HELZ: variants seen among roughly 807,000 people sequenced by gnomAD.
HELZ encodes the protein helicase with zinc finger, also known as ATP-dependent RNA helicase with zinc finger domain.
In HELZ, 23 loss-of-function variants were observed where a neutral mutation model predicts 218.2. The ratio of observed to expected loss-of-function variants is 0.11; its 90% CI spans 0.08 to 0.15. The LOEUF is 0.15. Ranked by LOEUF, HELZ falls within the 10% of genes least tolerant of loss-of-function variation. The probability of loss-of-function intolerance (pLI) is 1.00; values close to 1 mark genes in which losing one functional copy is unlikely to be tolerated. For synonymous variants in HELZ, 814 were observed against 829.4 expected (o/e 0.98, Z 0.32); for missense variants, 1,813 against 2,353.7 (o/e 0.77, Z 4.75).
chr17:67,236,302 G>A (rs1449835134), intron 3 of HELZ, among the ~76,000 whole-genome samples: 2 of 152,078 alleles, frequency 1.3e-5, no homozygotes, highest in Non-Finnish European at 2.9e-5. Flanking sequence ...GGTAAAACAG[G>A]TATATCCATA....
rs2035958862 is a variant in HELZ, at chr17:67,074,114, T to C, written c.*4138A>G. 1 of 152,150 alleles carries C rather than the reference T, an allele frequency of 6.6e-6. No homozygotes were observed. The highest frequency in any genetic ancestry group is 6.5e-5 in the Admixed American group (1 of 15,268). The allele number at this position is 152,150 out of a possible 1,614,324, so 9.4% of individuals were successfully genotyped here. ...GAGACAAATCAGATCCATTAAGACA[T>C]TTATACCTTGAGATTCAGGAAGACA... On this transcript the variant is annotated 3_prime_UTR_variant, in exon 33 of 33. Coordinates refer to ENST00000358691, the MANE Select transcript of HELZ (RefSeq NM_014877.4).
At chr17:67,161,923 G>A (rs532314006) in intron 15 of HELZ, among the ~76,000 whole-genome samples, 8 of 152,098 alleles carry the variant, frequency 5.3e-5, no homozygotes, top group Admixed American at 5.2e-4. Flanking sequence ...AACAACTATG[G>A]TAAAAATGAG....
intron 3 of HELZ, chr17:67,224,833 G>A: frequency 2.0e-6 from 2 of 1,018,636 alleles, no homozygotes; most frequent in South Asian, 1.3e-5. Context: ...GTATGCCCAG[G>A]GAAAGCAGCG....
Position 67,190,011 on chromosome 17 carries a change from T to C in HELZ, c.756+146A>G, listed in dbSNP as rs997538147. ...TCTTCATTTTAACAAATGGGTCTAC[T>C]ATAGCTACTAAAAACATCATTCTAT... On this transcript the variant is annotated intron_variant, in intron 10 of 32. Transcript: ENST00000358691. 8.8e-6 allele frequency: 6 copies of C among 684,376 alleles called. No individual in the cohort carries two copies. The African/African-American group carries it at 9.0e-5, about 10-fold the overall frequency. The allele number at this position is 684,376 out of a possible 1,614,324, so 42.4% of individuals were successfully genotyped here. A position where few individuals can be genotyped will look rare whatever the true frequency, so the allele number is the denominator to read the frequency against.
rs1008740624 is a variant in HELZ, at chr17:67,078,111, T to C, written c.*141A>G. ...ACTTTAAAAAAATTAGTTGCAAGTC[T>C]AGCAGCAAAGCAATTAAGTGAGAAC... On this transcript the variant is annotated 3_prime_UTR_variant, in exon 33 of 33. Coordinates refer to ENST00000358691, the MANE Select transcript of HELZ (RefSeq NM_014877.4). 1 of 618,600 alleles carries C rather than the reference T, an allele frequency of 1.6e-6. No homozygotes were observed. Among genetic ancestry groups the C allele is most frequent in the African/African-American group, 1.9e-5 (1 of 52,742 alleles). The allele number at this position is 618,600 out of a possible 1,614,324, so 38.3% of individuals were successfully genotyped here.
At chr17:67,195,172 G>A (rs995991282) in intron 8 of HELZ, among the ~76,000 whole-genome samples, 8 of 152,038 alleles carry the variant, frequency 5.3e-5, no homozygotes, top group South Asian at 4.2e-4. Context: ...AGTCCTACAC[G>A]GAGGCAAGAA....
intron 31 of HELZ, among the ~76,000 whole-genome samples, chr17:67,089,669 A>ATATATATAGAGC (rs61424343): frequency 2.2e-5 from 1 of 46,174 alleles, no homozygotes; most frequent in Non-Finnish European, 4.2e-5. Flanking sequence ...ATATATATAT[A>ATATATATAGAGC]GAGAGAGAGA....
chr17:67,182,956 G>A (rs145502299), intron 12 of HELZ, among the ~76,000 whole-genome samples: 4 of 152,280 alleles, frequency 2.6e-5, no homozygotes, highest in African/African-American at 7.2e-5. Flanking sequence ...TGGGGAAATC[G>A]AGTGTTCTAA....
At chr17:67,080,406 T>C (rs1412033746) in intron 32 of HELZ, among the ~76,000 whole-genome samples, 2 of 152,328 alleles carry the variant, frequency 1.3e-5, no homozygotes, top group Non-Finnish European at 2.9e-5. Context: ...CTTCTTTACT[T>C]TCCTCCTCTA....
At chr17:67,145,927 C>T in intron 20 of HELZ, 37 bp from the exon 21 acceptor site, 2 of 1,575,222 alleles carry the variant, frequency 1.3e-6, no homozygotes, top group Non-Finnish European at 8.6e-7. Flanking sequence ...GGGGGAAAAT[C>T]TACATCAAAA....
At chr17:67,090,802 T>C (rs1204536040) in intron 31 of HELZ, among the ~76,000 whole-genome samples, 1 of 152,144 alleles carries the variant, frequency 6.6e-6, no homozygotes, top group East Asian at 1.9e-4. Flanking sequence ...TTATCAATTT[T>C]ACTAATCTTT....
intron 21 of HELZ, among the ~76,000 whole-genome samples, chr17:67,140,545 G>A (rs919387327): frequency 8.5e-5 from 13 of 152,238 alleles, no homozygotes; most frequent in African/African-American, 1.2e-4. Context: ...GAAGAACAGA[G>A]AGAAAAAGTA....
Position 67,188,691 on chromosome 17 carries a change from A to G in HELZ, c.865-75T>C. On this transcript the variant is annotated intron_variant, in intron 11 of 32. Transcript: ENST00000358691. This position sits in a 1 kb window ranked among gnomAD's most constrained non-coding sequence, Gnocchi z 4.1. Reference sequence around the variant, plus strand: ...AATTGTAATTGGGCTCTTCAATGAAAATATTTCCATAAGGGACTTTTACTT... The same window carrying G: ...AATTGTAATTGGGCTCTTCAATGAAGATATTTCCATAAGGGACTTTTACTT... 8.3e-7 allele frequency: 1 copy of G among 1,206,750 alleles called. No individual in the cohort carries two copies. The highest frequency in any genetic ancestry group is 1.2e-6 in the Non-Finnish European group (1 of 852,098). The allele number at this position is 1,206,750 out of a possible 1,614,324, so 74.8% of individuals were successfully genotyped here. A position where few individuals can be genotyped will look rare whatever the true frequency, so the allele number is the denominator to read the frequency against.
intron 23 of HELZ, among the ~76,000 whole-genome samples, chr17:67,129,921 T>G (rs2037923608): frequency 6.6e-6 from 1 of 152,166 alleles, no homozygotes. Flanking sequence ...AAAAGATATG[T>G]GATATGGTTT....
At chr17:67,212,991 A>G (rs1211337249) in intron 5 of HELZ, among the ~76,000 whole-genome samples, 1 of 152,242 alleles carries the variant, frequency 6.6e-6, no homozygotes, top group Non-Finnish European at 1.5e-5. Context: ...TTAGTGATTC[A>G]AAAGTTGTGA....
At chr17:67,196,089 T>C (rs1161033591) in intron 7 of HELZ, among the ~76,000 whole-genome samples, 1 of 152,058 alleles carries the variant, frequency 6.6e-6, no homozygotes, top group African/African-American at 2.4e-5. Context: ...TGACCTCAGG[T>C]GATCCGCCCG....
chr17:67,088,501 T>C (rs2036460474), intron 31 of HELZ, among the ~76,000 whole-genome samples: 2 of 152,104 alleles, frequency 1.3e-5, no homozygotes, highest in African/African-American at 2.4e-5. Context: ...TTAAAGTAAA[T>C]GGAACCACTA....
chr17:67,087,869 C>A (rs990014451), intron 31 of HELZ, among the ~76,000 whole-genome samples: 14 of 152,150 alleles, frequency 9.2e-5, no homozygotes, highest in Admixed American at 7.9e-4. Context: ...TTTGTTCTTG[C>A]CAGATACTTG....
At chr17:67,142,703 A>G (rs1008619341) in intron 21 of HELZ, among the ~76,000 whole-genome samples, 3 of 152,160 alleles carry the variant, frequency 2.0e-5, no homozygotes, top group Non-Finnish European at 4.4e-5. Context: ...TGTCAGACAA[A>G]TCAACTTTAA....
Sources: allele counts gnomAD v4.1 joint callset (sites outside exome capture counted in the v4.1 genomes callset), GRCh38; gene constraint gnomAD v4.1.1; non-coding constraint Gnocchi (gnomAD v3.1); transcripts MANE v1.5; gene names NCBI Gene and HGNC (gene_info 2026-07-23, HGNC 2026-07-21).